The following KDR variants were observed in gnomAD, a reference collection of about 807,000 sequenced individuals.
KDR encodes the protein kinase insert domain receptor, also known as vascular endothelial growth factor receptor 2.
In KDR, 43 loss-of-function variants were observed where a neutral mutation model predicts 160.9. The ratio of observed to expected loss-of-function variants is 0.27; its 90% CI spans 0.21 to 0.34. The LOEUF (loss-of-function observed/expected upper bound fraction) is 0.34, where lower values mean the gene tolerates loss of function less well. KDR is among the 10% of genes least tolerant of loss of function. The probability of loss-of-function intolerance (pLI) is 1.00; values close to 1 mark genes in which losing one functional copy is unlikely to be tolerated. For missense variants in KDR, 1,469 were observed against 1,666.4 expected (o/e 0.88, Z 2.06); for synonymous variants, 617 against 600.1 (o/e 1.03, Z -0.41).
rs1442394693 is a variant in KDR at position 55,080,051 on chromosome 4, T to A, written c.3961A>T (p.Ser1321Cys). The A allele has an allele frequency of 6.2e-7, 1 of 1,614,072 alleles. No individual in the cohort carries two copies. Among genetic ancestry groups the A allele is most frequent in the Non-Finnish European group, 8.5e-7 (1 of 1,180,034 alleles). ...AGCTTTAAAAGTTCTGCTTCCTCACTGGAGTACACGGTGGTGTCTGTGTCA... is the reference window on the plus strand; with the variant it reads ...AGCTTTAAAAGTTCTGCTTCCTCACAGGAGTACACGGTGGTGTCTGTGTCA... ...SDDTDTTVYS[S>C]EEAELLKLIE... The change falls in exon 30 of 30, where the codon AGT becomes TGT. Residue 1321 changes from serine to cysteine, a missense_variant. By Grantham distance (112) the Ser-to-Cys change is moderately radical (BLOSUM62 -1). Around this residue, in one of 7 missense-constraint regions of KDR, gnomAD observed 229 missense variants for 197.8 expected, o/e 1.16. Coordinates refer to ENST00000263923, the MANE Select transcript of KDR (RefSeq NM_002253.4).
chr4:55,107,609 T>C, intron 10 of KDR, 128 bp downstream of exon 10: 2 of 1,064,620 alleles, frequency 1.9e-6, no homozygotes, highest in East Asian at 2.4e-5. Flanking sequence ...TGGATGGAGA[T>C]TCAGGCTACC....
At chr4:55,125,194 G>A in intron 1 of KDR, 33 bp downstream of exon 1, 1 of 1,601,042 alleles carries the variant, frequency 6.2e-7, no homozygotes, top group South Asian at 1.1e-5. Flanking sequence ...CACCCGACCT[G>A]TCTGCCTTCC....
chr4:55,081,615 G>T (rs1349845374), intron 29 of KDR, among the ~76,000 whole-genome samples: 1 of 152,116 alleles, frequency 6.6e-6, no homozygotes, highest in East Asian at 1.9e-4. Flanking sequence ...ATTCTTCAGA[G>T]TCCACAAAGA....
Position 55,089,363 on chromosome 4 carries a change from T to C in KDR, c.3404+11A>G. 6.3e-7 allele frequency: 1 copy of C among 1,576,258 alleles called. No homozygotes were observed. The highest frequency in any genetic ancestry group is 1.1e-5 in the South Asian group (1 of 90,144). ...AGAAAGAGAACACAGGAATACTTCT[T>C]AAAGTCTTACATTTCTGGTGTAGTA... is the stretch of plus-strand genomic sequence containing the variant. On this transcript the variant is annotated intron_variant, in intron 25 of 29. Transcript: ENST00000263923.
At chr4:55,085,110 TCC>T (rs1719829394) in intron 27 of KDR, among the ~76,000 whole-genome samples, 2 of 152,102 alleles carry the variant, frequency 1.3e-5, no homozygotes, top group African/African-American at 2.4e-5. Context: ...GAGGTGAAAC[TCC>T]CAGGGAAAAT....
At chr4:55,096,113 C>A in intron 19 of KDR, 116 bp downstream of exon 19, 1 of 682,490 alleles carries the variant, frequency 1.5e-6, no homozygotes, top group Non-Finnish European at 2.7e-6. Flanking sequence ...TCCTAGGAAT[C>A]CGCAAAGTAT....
At chr4:55,106,433 C>T (rs574051818) in intron 11 of KDR, among the ~76,000 whole-genome samples, 12 of 152,186 alleles carry the variant, frequency 7.9e-5, no homozygotes, top group African/African-American at 2.9e-4. Context: ...TTTTCATTCT[C>T]ATGTTTATAA....
chr4:55,104,106 C>T (rs898902856), intron 13 of KDR, among the ~76,000 whole-genome samples: 11 of 152,126 alleles, frequency 7.2e-5, no homozygotes, highest in Admixed American at 5.9e-4. Context: ...TTAAACGCAG[C>T]CCATCATCCC....
chr4:55,109,547 T>G (rs1360530325), intron 9 of KDR, among the ~76,000 whole-genome samples: 2 of 152,116 alleles, frequency 1.3e-5, no homozygotes, highest in Admixed American at 6.6e-5. Context: ...AGAGAAGCAT[T>G]TCTCAAACTG....
intron 3 of KDR, 139 bp downstream of exon 3, chr4:55,118,465 G>T: frequency 1.4e-6 from 1 of 724,798 alleles, no homozygotes; most frequent in South Asian, 1.5e-5. Context: ...GAAAGCCTCA[G>T]GAGAGAAGAA....
rs1719651402 is a variant in KDR, at chr4:55,078,959, G to T, written c.*982C>A. The T allele has an allele frequency of 4.3e-6, 1 of 233,182 alleles. No homozygotes were observed. The highest frequency in any genetic ancestry group is 6.0e-5 in the East Asian group (1 of 16,574). 14.4% of individuals were successfully genotyped at this position (233,182 alleles called of 1,614,324 possible). A position where few individuals can be genotyped will look rare whatever the true frequency, so the allele number is the denominator to read the frequency against. ...TTGGGGACAGGGGGAAGAACAAAAGGGTAAAATCCTTCCTGAAACTTTGAC... is the reference window on the plus strand; with the variant it reads ...TTGGGGACAGGGGGAAGAACAAAAGTGTAAAATCCTTCCTGAAACTTTGAC... On this transcript the variant is annotated 3_prime_UTR_variant, in exon 30 of 30. Coordinates refer to ENST00000263923, the MANE Select transcript of KDR (RefSeq NM_002253.4).
chr4:55,084,878 G>A (rs1324102838), intron 27 of KDR, among the ~76,000 whole-genome samples: 1 of 152,110 alleles, frequency 6.6e-6, no homozygotes, highest in Non-Finnish European at 1.5e-5. Context: ...GTAAGTACGG[G>A]GTATGAAACA....
At chr4:55,093,790 C>T (rs1343687412) in intron 21 of KDR, among the ~76,000 whole-genome samples, 1 of 152,196 alleles carries the variant, frequency 6.6e-6, no homozygotes, top group African/African-American at 2.4e-5. Flanking sequence ...CCCATCTCTA[C>T]ATCCACAACG....
At position 55,098,290 on chromosome 4, in the gene KDR, T is replaced by C; in HGVS notation, c.2374-18A>G. The C allele has an allele frequency of 1.9e-6, 3 of 1,613,560 alleles. No homozygotes were observed. The highest frequency in any genetic ancestry group is 2.5e-6 in the Non-Finnish European group (3 of 1,179,686). ...CCATTGGCCTGGAAAGCATCAATCC[T>C]TCCAGTCATAAACACACTGTTGTTT... On this transcript the variant is annotated intron_variant, in intron 16 of 29. Coordinates refer to ENST00000263923, the MANE Select transcript of KDR (RefSeq NM_002253.4).
rs2110027660 is a variant in KDR at position 55,110,567 on chromosome 4, C to T, written c.1092-1G>A. On this transcript the variant is annotated splice_acceptor_variant, in intron 8 of 29. Transcript: ENST00000263923. LOFTEE classifies it high-confidence loss of function. ...CTCAAGGGGTATTCCATTTTTATAC[C>T]TATGAAAAAAAATTCTCAGGAATTA... The T allele has an allele frequency of 6.2e-7, 1 of 1,613,378 alleles. No individual in the cohort carries two copies. Among genetic ancestry groups the T allele is most frequent in the Non-Finnish European group, 8.5e-7 (1 of 1,179,664 alleles).
chr4:55,087,671 A>G lies in KDR; in HGVS notation c.3598T>C (p.Ser1200Pro), dbSNP rs779617216. ...CATACTTCCTCCTCCTCCATACAGG[A>G]AACAGGTGAGGTAGGCAGAGAGAGT... ...SGLSLPTSPV[S>P]CMEEEEVCDP... The change falls in exon 27 of 30, where the codon TCC (serine) becomes CCC (proline). Residue 1200 changes from serine to proline, a missense_variant. Transcript: ENST00000263923. The G allele has an allele frequency of 7.4e-6, 12 of 1,614,020 alleles. No individual in the cohort carries two copies. The East Asian group carries it at 2.7e-4, about 36-fold the overall frequency.
chr4:55,104,372 A>C (rs1578134448), intron 13 of KDR, among the ~76,000 whole-genome samples: 1 of 152,198 alleles, frequency 6.6e-6, no homozygotes, highest in East Asian at 1.9e-4. Context: ...ATGGATGCCC[A>C]AGATAAGGCA....
Position 55,092,826 on chromosome 4 carries a change from A to C in KDR, c.2972-112T>G, listed in dbSNP as rs1720052592. ...AGACTTGGGAGTTAAGTTTTTAGGAAATAGAAGCAGAGAGTCAATGCTTCT... is the reference window on the plus strand; with the variant it reads ...AGACTTGGGAGTTAAGTTTTTAGGACATAGAAGCAGAGAGTCAATGCTTCT... On this transcript the variant is annotated intron_variant, in intron 21 of 29. Transcript: ENST00000263923. The C allele has an allele frequency of 7.9e-6, 6 of 760,992 alleles. No homozygotes were observed. In the East Asian group the frequency reaches 1.6e-4, roughly 20 times the overall value. 47.1% of individuals were successfully genotyped at this position (760,992 alleles called of 1,614,324 possible).
intron 1 of KDR, among the ~76,000 whole-genome samples, chr4:55,122,353 T>C (rs1463848216): frequency 6.6e-6 from 1 of 152,154 alleles, no homozygotes; most frequent in African/African-American, 2.4e-5. Context: ...TTTAAAAAAG[T>C]AATTGATGTT....
Sources: gnomAD v4.1 joint callset for allele counts (sites outside exome capture counted in the v4.1 genomes callset) on GRCh38, gnomAD v4.1.1 for gene constraint, gnomAD v4.1.1 regional missense constraint, MANE v1.5 for transcripts, NCBI Gene and HGNC (gene_info 2026-07-23, HGNC 2026-07-21) for gene names.